Variants in RAB3C observed in about 807,000 individuals in gnomAD.
The protein encoded by RAB3C is RAB3C, member RAS oncogene family, also known as ras-related protein Rab-3C.
A neutral mutation model predicts 26.4 loss-of-function variants in RAB3C; 17 were observed. That is an observed-to-expected ratio of 0.64 (90% CI 0.44 to 0.97). RAB3C has a LOEUF of 0.97. RAB3C is among the 50% of genes least tolerant of loss of function. RAB3C has a pLI of 0.00. For missense variants in RAB3C, 242 were observed against 281.9 expected, an observed-to-expected ratio of 0.86 and a Z score of 1.01; for synonymous variants, 91 against 95.9, an observed-to-expected ratio of 0.95 and a Z score of 0.30.
chr5:58,818,352 A>C, intron 3 of RAB3C, among the ~76,000 whole-genome samples: 1 of 152,208 alleles, frequency 6.6e-6, no homozygotes, highest in East Asian at 1.9e-4. Context: ...ATAAAATATC[A>C]AAAGCTCTTT....
rs142908410 is a variant in RAB3C, at chr5:58,613,582, T to C, written c.25-4061T>C. ...AGAATACACATAAAGGTTGACACTT[T>C]CATAAAAAAATAAGTTGTCAAATAT... On this transcript the variant is annotated intron_variant, in intron 1 of 4. Transcript: ENST00000282878. Among the ~76,000 whole-genome samples the C allele has an allele frequency of 1.6e-3, 236 of 152,142 alleles. 1 individual carries two copies. The highest frequency in any genetic ancestry group is 5.2e-3 in the African/African-American group (215 of 41,512).
chr5:58,665,982 C>T (rs1327527198), intron 2 of RAB3C, among the ~76,000 whole-genome samples: 1 of 152,122 alleles, frequency 6.6e-6, no homozygotes, highest in Non-Finnish European at 1.5e-5. Flanking sequence ...AAGGCCAATA[C>T]ACTGCACTAA....
intron 3 of RAB3C, among the ~76,000 whole-genome samples, chr5:58,768,771 G>A (rs891609139): frequency 6.6e-6 from 1 of 152,034 alleles, no homozygotes; most frequent in Admixed American, 6.6e-5. Flanking sequence ...AAGTAAGGGT[G>A]TAAATGTCAG....
intron 4 of RAB3C, among the ~76,000 whole-genome samples, chr5:58,834,662 G>C (rs938752117): frequency 1.3e-5 from 2 of 152,200 alleles, no homozygotes; most frequent in South Asian, 2.1e-4. Flanking sequence ...CACCTCTGAG[G>C]AGAAGCACTG....
At chr5:58,667,975 C>T (rs1166773749) in intron 2 of RAB3C, among the ~76,000 whole-genome samples, 1 of 151,914 alleles carries the variant, frequency 6.6e-6, no homozygotes, top group African/African-American at 2.4e-5. Flanking sequence ...AAGTTTACTA[C>T]CAAAAACAAA....
At chr5:58,644,119 C>T (rs6898044) in intron 2 of RAB3C, among the ~76,000 whole-genome samples, 39,431 of 151,972 alleles carry the variant, frequency 0.26, 5,682 homozygotes, top group African/African-American at 0.39. Context: ...TGCACCCAGC[C>T]GAGCAATACT....
At chr5:58,703,761 T>A (rs1356585930) in intron 2 of RAB3C, among the ~76,000 whole-genome samples, 1 of 152,120 alleles carries the variant, frequency 6.6e-6, no homozygotes, top group East Asian at 1.9e-4. Flanking sequence ...GTCCCCCTTT[T>A]AACAAATTTT....
intron 3 of RAB3C, among the ~76,000 whole-genome samples, chr5:58,742,155 G>C (rs1350649909): frequency 6.6e-6 from 1 of 152,044 alleles, no homozygotes; most frequent in African/African-American, 2.4e-5. Flanking sequence ...TGTCTCCCCT[G>C]GCCCTCTCAA....
At chr5:58,831,045 C>CT (rs1561145310) in intron 4 of RAB3C, among the ~76,000 whole-genome samples, 1 of 151,918 alleles carries the variant, frequency 6.6e-6, no homozygotes, top group African/African-American at 2.4e-5. Flanking sequence ...CTGGCTAATT[C>CT]TTTTTTATTT....
chr5:58,646,439 A>G (rs1747520846), intron 2 of RAB3C, among the ~76,000 whole-genome samples: 1 of 151,778 alleles, frequency 6.6e-6, no homozygotes, highest in African/African-American at 2.4e-5. Flanking sequence ...TCTATTATAC[A>G]TAAGGTTTTC....
intron 2 of RAB3C, among the ~76,000 whole-genome samples, chr5:58,669,534 G>A (rs1579848440): frequency 6.6e-6 from 1 of 152,130 alleles, no homozygotes; most frequent in Non-Finnish European, 1.5e-5. Context: ...CCAGTTCCAA[G>A]GTCAGCCAGT....
chr5:58,810,482 C>T (rs1396094145), intron 3 of RAB3C, among the ~76,000 whole-genome samples: 6 of 151,774 alleles, frequency 4.0e-5, no homozygotes, highest in African/African-American at 1.2e-4. Context: ...ATATGATCTT[C>T]TCAAGAAGCC....
At chr5:58,617,481 T>A (rs756438290) in intron 1 of RAB3C, 162 bp from the exon 2 acceptor site, 1 of 775,306 alleles carries the variant, frequency 1.3e-6, no homozygotes, top group South Asian at 1.4e-5. Context: ...TTGCCATGGA[T>A]ACCAATATCA....
chr5:58,646,990 C>T lies in RAB3C; in HGVS notation c.252+29120C>T, dbSNP rs77451574. 4.1e-3 allele frequency among the ~76,000 whole-genome samples: 621 copies of T among 152,282 alleles called. 3 individuals carry two copies. Among genetic ancestry groups the T allele is most frequent in the African/African-American group, 0.014 (586 of 41,552 alleles). The stretch of plus-strand genomic sequence containing the variant: ...GCTGGAATTATTAGTTCTAGGTCCA[C>T]CTATAAAGTATCCAGATATAGAGGC... On this transcript the variant is annotated intron_variant, in intron 2 of 4. Coordinates refer to ENST00000282878, the MANE Select transcript of RAB3C (RefSeq NM_138453.4).
At chr5:58,822,705 T>C (rs939716267) in intron 3 of RAB3C, 1 of 447,560 alleles carries the variant, frequency 2.2e-6, no homozygotes, top group Non-Finnish European at 4.3e-6. Context: ...CTTATGCCCA[T>C]ATAGAAGGGG....
intron 2 of RAB3C, among the ~76,000 whole-genome samples, chr5:58,718,756 A>G (rs963656497): frequency 7.9e-5 from 12 of 152,054 alleles, no homozygotes; most frequent in African/African-American, 2.9e-4. Context: ...CTTGTTTCAC[A>G]GATGCTTGTA....
chr5:58,686,025 A>C (rs1186140583), intron 2 of RAB3C, among the ~76,000 whole-genome samples: 1 of 152,198 alleles, frequency 6.6e-6, no homozygotes, highest in Non-Finnish European at 1.5e-5. Context: ...ATTTATGAAG[A>C]TGCCTGTGGG....
intron 2 of RAB3C, among the ~76,000 whole-genome samples, chr5:58,722,137 G>T (rs1369615632): frequency 9.2e-5 from 14 of 151,786 alleles, no homozygotes. Flanking sequence ...TTTCTTTACT[G>T]TCAAAATGAA....
intron 3 of RAB3C, among the ~76,000 whole-genome samples, chr5:58,797,801 A>T (rs937595152): frequency 1.3e-5 from 2 of 152,196 alleles, no homozygotes; most frequent in Admixed American, 6.5e-5. Context: ...TGGTCAAGGT[A>T]TCCCCATTAT....
Sources: allele counts gnomAD v4.1 joint callset (sites outside exome capture counted in the v4.1 genomes callset), GRCh38; gene constraint gnomAD v4.1.1; transcripts MANE v1.5; gene names NCBI Gene and HGNC (gene_info 2026-07-23, HGNC 2026-07-21).